The following NFXL1 variants were observed in gnomAD, a reference collection of about 807,000 sequenced individuals.
NFXL1 encodes the protein nuclear transcription factor, X-box binding like 1, also known as NF-X1-type zinc finger protein NFXL1.
A neutral mutation model predicts 123.3 loss-of-function variants in NFXL1; 66 were observed. The observed-to-expected ratio is 0.54, with a 90% CI of 0.44 to 0.66. NFXL1 has a LOEUF of 0.66. NFXL1 is among the 30% of genes least tolerant of loss of function. The pLI, the probability that NFXL1 is intolerant of heterozygous loss-of-function variation, is 0.00. For synonymous variants in NFXL1, 346 were observed against 360.8 expected (o/e 0.96, Z 0.46); for missense variants, 944 against 1,125.6 (o/e 0.84, Z 2.31).
At chr4:47,872,945 G>A (rs1735543762) in intron 18 of NFXL1, among the ~76,000 whole-genome samples, 1 of 152,178 alleles carries the variant, frequency 6.6e-6, no homozygotes, top group African/African-American at 2.4e-5. Flanking sequence ...ACCCACAGTA[G>A]AACTTCTTTC....
In NFXL1 at chr4:47,903,344, G is replaced by A. The variant is rs1737429367; in HGVS notation, c.517-21C>T. The A allele has an allele frequency of 9.8e-6, 14 of 1,435,598 alleles. No homozygotes were observed. In the Middle Eastern group the frequency reaches 5.5e-4, roughly 57 times the overall value. 88.9% of individuals were successfully genotyped at this position (1,435,598 alleles called of 1,614,324 possible). On this transcript the variant is annotated intron_variant, in intron 4 of 22. Coordinates refer to ENST00000507489, the MANE Select transcript of NFXL1 (RefSeq NM_001278624.2). ...CAAACCTAAGACAAATGTATCAGAAGTTAATATATGTTAATTTTTCTTTGT... is the reference window on the plus strand; with the variant it reads ...CAAACCTAAGACAAATGTATCAGAAATTAATATATGTTAATTTTTCTTTGT...
chr4:47,851,754 C>T, intron 21 of NFXL1, 102 bp downstream of exon 21: 1 of 742,206 alleles, frequency 1.3e-6, no homozygotes. Context: ...ATTATAAAAG[C>T]AAAAAAATGA....
At chr4:47,906,368 T>C (rs918971301) in intron 3 of NFXL1, among the ~76,000 whole-genome samples, 2 of 152,174 alleles carry the variant, frequency 1.3e-5, no homozygotes, top group Admixed American at 6.5e-5. Flanking sequence ...AAAATTTAAG[T>C]TGCCAAAAAG....
At chr4:47,859,114 G>A (rs1423064164) in intron 19 of NFXL1, among the ~76,000 whole-genome samples, 2 of 152,192 alleles carry the variant, frequency 1.3e-5, no homozygotes, top group Non-Finnish European at 2.9e-5. Flanking sequence ...GAGATGAGAT[G>A]TGTTACCCTT....
chr4:47,898,167 CACAAATAA>C, intron 8 of NFXL1, 86 bp from the exon 9 acceptor site: 1 of 723,406 alleles, frequency 1.4e-6, no homozygotes, highest in Non-Finnish European at 2.3e-6. Flanking sequence ...ATTTTTCAAT[CACAAATAA>C]ACAACTGCTT....
In NFXL1 at chr4:47,894,309, G is replaced by A. The variant is rs10005386; in HGVS notation, c.1330-7C>T. 3.8e-3 allele frequency: 5,951 copies of A among 1,561,996 alleles called. 198 individuals are homozygous for A. In the African/African-American group the frequency reaches 0.072, roughly 19 times the overall value. On this transcript the variant is annotated splice_region_variant and splice_polypyrimidine_tract_variant and intron_variant, in intron 10 of 22. Transcript: ENST00000507489. ...GACAATGCTTTTCCACTTCCTGGAAGAATAAAAGAAATGCTATTAAAATTG... is the reference window on the plus strand; with the variant it reads ...GACAATGCTTTTCCACTTCCTGGAAAAATAAAAGAAATGCTATTAAAATTG...
chr4:47,875,632 A>C (rs1286185963), intron 17 of NFXL1, among the ~76,000 whole-genome samples: 2 of 152,208 alleles, frequency 1.3e-5, no homozygotes, highest in African/African-American at 4.8e-5. Context: ...AGACAGAAAT[A>C]AAATATACAG....
At chr4:47,908,826 G>A (rs946243606) in intron 3 of NFXL1, among the ~76,000 whole-genome samples, 2 of 151,758 alleles carry the variant, frequency 1.3e-5, no homozygotes, top group Admixed American at 1.3e-4. Flanking sequence ...ATGGTGGCGG[G>A]CACCTGTAGT....
chr4:47,864,902 A>C (rs2110048493), intron 18 of NFXL1, among the ~76,000 whole-genome samples: 1 of 152,336 alleles, frequency 6.6e-6, no homozygotes, highest in South Asian at 2.1e-4. Flanking sequence ...TCAAACCCAA[A>C]GAGGGGGCTG....
At position 47,910,895 on chromosome 4, in the gene NFXL1, C is replaced by A; in HGVS notation, c.335G>T (p.Gly112Val). ...EEQFSSSSEE[G>V]DEDFEGKQGK... is the part of the protein sequence containing the mutation. ...CTGTTTTCCTTCAAAATCTTCATCT[C>A]CTTCTTCAGATGAAGAGCTAAACTG... The change falls in exon 3 of 23, where the codon GGA (glycine) becomes GTA (valine). Residue 112 changes from glycine to valine, a missense_variant. Physicochemically the swap from Gly to Val is moderately radical, Grantham distance 109 (BLOSUM62 -3). This residue lies in a region of NFXL1 where 303 missense variants were observed against 292.1 expected (regional missense o/e 1.04). Coordinates refer to ENST00000507489, the MANE Select transcript of NFXL1 (RefSeq NM_001278624.2). 1.3e-6 allele frequency: 2 copies of A among 1,597,556 alleles called. No individual in the cohort carries two copies. The highest frequency in any genetic ancestry group is 1.7e-6 in the Non-Finnish European group (2 of 1,169,320).
At chr4:47,877,144 C>G (rs1325547705) in intron 17 of NFXL1, 1 of 512,412 alleles carries the variant, frequency 2.0e-6, no homozygotes, top group East Asian at 6.8e-5. Context: ...ATTTGCTACT[C>G]TCCTGTTGCA....
intron 11 of NFXL1, among the ~76,000 whole-genome samples, chr4:47,891,936 CAA>C (rs545929490): frequency 8.5e-5 from 10 of 117,746 alleles, no homozygotes; most frequent in African/African-American, 9.5e-5. Context: ...GACTCCGTCT[CAA>C]AAAAAAAAAA....
chr4:47,886,601 C>A (rs1411972365), intron 12 of NFXL1, among the ~76,000 whole-genome samples: 1 of 152,122 alleles, frequency 6.6e-6, no homozygotes, highest in Non-Finnish European at 1.5e-5. Flanking sequence ...AACTCCTGGA[C>A]TCAAGCAATC....
Position 47,897,966 on chromosome 4 carries a change from C to T in NFXL1, c.1204+1G>A. Reference sequence around the variant, plus strand: ...TAAATATAAAAAAAAACAAGTCTTACTTGATTTCTGACATGGACAGAACCT... The same window carrying T: ...TAAATATAAAAAAAAACAAGTCTTATTTGATTTCTGACATGGACAGAACCT... On this transcript the variant is annotated splice_donor_variant, in intron 9 of 22. Coordinates refer to ENST00000507489, the MANE Select transcript of NFXL1 (RefSeq NM_001278624.2). LOFTEE classifies it high-confidence loss of function. 6.4e-7 allele frequency: 1 copy of T among 1,564,248 alleles called. No homozygotes were observed. Among genetic ancestry groups the T allele is most frequent in the Non-Finnish European group, 8.7e-7 (1 of 1,150,596 alleles).
At chr4:47,867,172 C>T (rs917631196) in intron 18 of NFXL1, among the ~76,000 whole-genome samples, 1 of 151,766 alleles carries the variant, frequency 6.6e-6, no homozygotes, top group Non-Finnish European at 1.5e-5. Flanking sequence ...TACACTACCA[C>T]CTTAAGTCAG....
At chr4:47,859,833 C>T (rs1206485976) in intron 19 of NFXL1, among the ~76,000 whole-genome samples, 2 of 88,976 alleles carry the variant, frequency 2.2e-5, no homozygotes, top group Non-Finnish European at 3.8e-5. Flanking sequence ...CAGAGTGAGA[C>T]TCCATCTCAA....
intron 15 of NFXL1, among the ~76,000 whole-genome samples, chr4:47,880,664 T>A (rs1341807547): frequency 1.3e-5 from 2 of 151,862 alleles, no homozygotes; most frequent in East Asian, 1.9e-4. Context: ...AATTTTCATA[T>A]AATTCTTGCA....
chr4:47,848,046 G>C lies in NFXL1; in HGVS notation c.*117C>G, dbSNP rs1296102515. On this transcript the variant is annotated 3_prime_UTR_variant, in exon 23 of 23. Transcript: ENST00000507489. ...TCTGTCCTTCTAACAACAGCTGAGA[G>C]AATACAGAGATGAATGTAAATATAT... is the stretch of plus-strand genomic sequence containing the variant. 1.6e-6 allele frequency: 1 copy of C among 625,548 alleles called. No individual in the cohort carries two copies. The highest frequency in any genetic ancestry group is 2.6e-5 in the South Asian group (1 of 38,376). The allele number at this position is 625,548 out of a possible 1,614,324, so 38.7% of individuals were successfully genotyped here.
chr4:47,900,081 A>C (rs1737296336), intron 5 of NFXL1, among the ~76,000 whole-genome samples: 1 of 152,246 alleles, frequency 6.6e-6, no homozygotes, highest in Admixed American at 6.5e-5. Context: ...AACAAACAGA[A>C]GAGAGAAGTC....
Sources: allele counts gnomAD v4.1 joint callset (sites outside exome capture counted in the v4.1 genomes callset), GRCh38; gene constraint gnomAD v4.1.1; regional missense constraint gnomAD v4.1.1; transcripts MANE v1.5; gene names NCBI Gene and HGNC (gene_info 2026-07-23, HGNC 2026-07-21).